NDNF: variants seen among roughly 807,000 people sequenced by gnomAD.
NDNF encodes the protein neuron derived neurotrophic factor, also known as protein NDNF.
NDNF carries 16 observed loss-of-function variants against 42.0 expected under a neutral mutation model. That is an observed-to-expected ratio of 0.38 (90% CI 0.26 to 0.58). The LOEUF (loss-of-function observed/expected upper bound fraction) is 0.58, where lower values mean the gene tolerates loss of function less well. Ranked by LOEUF, NDNF falls within the 20% of genes least tolerant of loss-of-function variation. The pLI is 0.67. For synonymous variants in NDNF, 248 were observed against 251.7 expected, an observed-to-expected ratio of 0.99 and a Z score of 0.14; for missense variants, 616 against 666.2, an observed-to-expected ratio of 0.92 and a Z score of 0.83.
chr4:121,063,751 G>A (rs546008212), intron 1 of NDNF, among the ~76,000 whole-genome samples: 128 of 152,284 alleles, frequency 8.4e-4, no homozygotes, highest in Non-Finnish European at 1.4e-3. Context: ...AGAGACTGAT[G>A]TTCCACTTCA....
intron 3 of NDNF, among the ~76,000 whole-genome samples, chr4:121,039,202 A>ACG (rs1560603272): frequency 2.5e-4 from 7 of 27,780 alleles, no homozygotes; most frequent in Non-Finnish European, 8.0e-4. Context: ...GTATATATAT[A>ACG]TATATATATA....
intron 1 of NDNF, among the ~76,000 whole-genome samples, chr4:121,058,500 C>T (rs561881568): frequency 6.6e-6 from 1 of 152,226 alleles, no homozygotes; most frequent in Admixed American, 6.5e-5. Context: ...GCAACTGCTC[C>T]GAGCCTCGGT....
At chr4:121,054,074 T>A (rs1727245443) in intron 1 of NDNF, among the ~76,000 whole-genome samples, 1 of 152,236 alleles carries the variant, frequency 6.6e-6, no homozygotes, top group Admixed American at 6.5e-5. Flanking sequence ...TGATTTTTTA[T>A]AGCCATTTAT....
intron 1 of NDNF, among the ~76,000 whole-genome samples, chr4:121,053,359 C>A (rs1338227089): frequency 6.6e-6 from 1 of 152,188 alleles, no homozygotes; most frequent in South Asian, 2.1e-4. Context: ...ACAGGGATAA[C>A]GTTAGGGCAT....
intron 2 of NDNF, 55 bp downstream of exon 2, chr4:121,045,595 T>C (rs1328350124): frequency 8.9e-6 from 13 of 1,467,602 alleles, no homozygotes; most frequent in Non-Finnish European, 1.1e-5. Context: ...TACTCTCTTT[T>C]TTGGAGGCAT....
chr4:121,048,415 G>T (rs371391648), intron 1 of NDNF, among the ~76,000 whole-genome samples: 22 of 152,324 alleles, frequency 1.4e-4, no homozygotes, highest in African/African-American at 5.3e-4. Context: ...AGGACAAGCT[G>T]CCTAAGGACC....
At chr4:121,040,188 T>C (rs945475741) in intron 2 of NDNF, 134 bp from the exon 3 acceptor site, 13 of 904,932 alleles carry the variant, frequency 1.4e-5, no homozygotes, top group African/African-American at 8.6e-5. Flanking sequence ...AAAATGTCAT[T>C]GTATTTTCCC....
intron 1 of NDNF, among the ~76,000 whole-genome samples, chr4:121,071,183 A>G (rs945609911): frequency 6.6e-6 from 1 of 151,966 alleles, no homozygotes; most frequent in African/African-American, 2.4e-5. Flanking sequence ...GCGAACCCCA[A>G]CTCACGCACA....
At chr4:121,065,856 G>T (rs1727491147) in intron 1 of NDNF, among the ~76,000 whole-genome samples, 1 of 151,190 alleles carries the variant, frequency 6.6e-6, no homozygotes, top group South Asian at 2.1e-4. Context: ...ATGTTAGCTG[G>T]TATCAGTTTA....
At chr4:121,046,958 T>C (rs1727105188) in intron 1 of NDNF, among the ~76,000 whole-genome samples, 1 of 152,242 alleles carries the variant, frequency 6.6e-6, no homozygotes, top group Non-Finnish European at 1.5e-5. Context: ...TTCCTTTACC[T>C]CTTTGACTTA....
chr4:121,070,889 G>C (rs1337076025), intron 1 of NDNF, among the ~76,000 whole-genome samples: 1 of 152,190 alleles, frequency 6.6e-6, no homozygotes, highest in Admixed American at 6.5e-5. Context: ...AACTTGGCCG[G>C]AGGGACAGCT....
At chr4:121,059,645 AG>A (rs1727369010) in intron 1 of NDNF, among the ~76,000 whole-genome samples, 1 of 152,234 alleles carries the variant, frequency 6.6e-6, no homozygotes, top group Admixed American at 6.5e-5. Context: ...ATTACTCAGG[AG>A]GGCCTCTTTC....
chr4:121,046,587 A>G (rs1727097468), intron 1 of NDNF, among the ~76,000 whole-genome samples: 1 of 152,244 alleles, frequency 6.6e-6, no homozygotes, highest in African/African-American at 2.4e-5. Context: ...CAACGTTGAC[A>G]TATACACCTC....
rs1483402559 is a variant in NDNF, at chr4:121,048,578, G to A, written c.-1-2740C>T. Among the ~76,000 whole-genome samples, 6 of 152,200 alleles carry A rather than the reference G, an allele frequency of 3.9e-5. No individual in the cohort carries two copies. In the East Asian group the frequency reaches 7.7e-4, roughly 20 times the overall value. On this transcript the variant is annotated intron_variant, in intron 1 of 3. Coordinates refer to ENST00000379692, the MANE Select transcript of NDNF (RefSeq NM_024574.4). ...ATTCTGGCTGGGCGCAGTGGCTCAC[G>A]CCCGTAATCCCAGCACTTTGGGAGG... is the stretch of plus-strand genomic sequence containing the variant.
intron 1 of NDNF, among the ~76,000 whole-genome samples, chr4:121,070,799 A>C (rs1165075561): frequency 6.6e-6 from 1 of 152,190 alleles, no homozygotes; most frequent in Non-Finnish European, 1.5e-5. Flanking sequence ...TTCCCGCTCA[A>C]GGTCTTGGTT....
chr4:121,047,138 T>C (rs1393702337), intron 1 of NDNF, among the ~76,000 whole-genome samples: 2 of 152,234 alleles, frequency 1.3e-5, no homozygotes, highest in Non-Finnish European at 2.9e-5. Context: ...TTTAATTTTA[T>C]CTTTCTTTGA....
intron 1 of NDNF, among the ~76,000 whole-genome samples, chr4:121,069,572 T>G (rs976798855): frequency 1.3e-5 from 2 of 152,236 alleles, no homozygotes; most frequent in South Asian, 4.1e-4. Context: ...ACACTAAGCC[T>G]AAGTCTTTGA....
chr4:121,068,712 T>A (rs1033079302), intron 1 of NDNF, among the ~76,000 whole-genome samples: 1 of 151,644 alleles, frequency 6.6e-6, no homozygotes, highest in African/African-American at 2.4e-5. Flanking sequence ...AGCAAAAAAG[T>A]GAGACAGAGA....
rs1475232431 is a variant in NDNF at position 121,040,014 on chromosome 4, C to T, written c.229G>A (p.Val77Ile). The change falls in exon 3 of 4, where the codon GTC becomes ATC. Residue 77 changes from valine (V) to isoleucine (I), a missense_variant. Physicochemically the swap from Val to Ile is conservative, Grantham distance 29 (BLOSUM62 3). Coordinates refer to ENST00000379692, the MANE Select transcript of NDNF (RefSeq NM_024574.4). ...GGCGCATCACAGGGCGTCACTGTGA[C>T]TGATAATGGAGTATTGTCTTCTTCA... ...VVEEDNTPLSVTVTPCDAPLE... is the reference protein window; with the variant it reads ...VVEEDNTPLSITVTPCDAPLE... 1 of 1,613,868 alleles carries T rather than the reference C, an allele frequency of 6.2e-7. No homozygotes were observed. The highest frequency in any genetic ancestry group is 1.7e-5 in the Admixed American group (1 of 60,018).
Sources: allele counts gnomAD v4.1 joint callset (sites outside exome capture counted in the v4.1 genomes callset), GRCh38; gene constraint gnomAD v4.1.1; transcripts MANE v1.5; gene names NCBI Gene and HGNC (gene_info 2026-07-23, HGNC 2026-07-21).